RGS7: variants seen among roughly 807,000 people sequenced by gnomAD.
The protein encoded by RGS7 is regulator of G-protein signaling 7.
Under a neutral mutation model 81.1 loss-of-function variants are expected in RGS7, and 27 were observed. The observed-to-expected ratio is 0.33, with a 90% CI of 0.25 to 0.46. The LOEUF (loss-of-function observed/expected upper bound fraction) is 0.46, where lower values mean the gene tolerates loss of function less well. Among genes scored for constraint, RGS7 ranks in the 20% least tolerant of loss-of-function variants. The pLI, the probability that RGS7 is intolerant of heterozygous loss-of-function variation, is 1.00. For synonymous variants in RGS7, 208 were observed against 207.7 expected, an observed-to-expected ratio of 1.00 and a Z score of -0.01; for missense variants, 396 against 607.4, an observed-to-expected ratio of 0.65 and a Z score of 3.66.
At chr1:240,855,323 A>G (rs1198700158) in intron 9 of RGS7, among the ~76,000 whole-genome samples, 1 of 18,148 alleles carries the variant, frequency 5.5e-5, no homozygotes, top group Non-Finnish European at 1.5e-3. Flanking sequence ...AAAAAAAAAA[A>G]AAAAGGAGAA....
At chr1:241,047,691 T>C (rs891481552) in intron 3 of RGS7, among the ~76,000 whole-genome samples, 5 of 151,092 alleles carry the variant, frequency 3.3e-5, no homozygotes, top group African/African-American at 1.2e-4. Flanking sequence ...ATTGCAACCA[T>C]GCACTATTCA....
intron 2 of RGS7, among the ~76,000 whole-genome samples, chr1:241,143,417 C>T (rs2068071017): frequency 1.3e-5 from 2 of 152,154 alleles, no homozygotes; most frequent in African/African-American, 2.4e-5. Context: ...AGGGAAGCCT[C>T]ACAATCATGG....
At chr1:240,990,090 G>A (rs1011941753) in intron 3 of RGS7, among the ~76,000 whole-genome samples, 2 of 152,144 alleles carry the variant, frequency 1.3e-5, no homozygotes, top group East Asian at 3.9e-4. Flanking sequence ...CCTGATGAAG[G>A]GTCTCAGCTG....
At chr1:241,048,985 C>T (rs998114273) in intron 3 of RGS7, among the ~76,000 whole-genome samples, 2 of 152,196 alleles carry the variant, frequency 1.3e-5, no homozygotes, top group African/African-American at 2.4e-5. Flanking sequence ...CAGTGTCTCC[C>T]TTCATTGTCA....
intron 3 of RGS7, among the ~76,000 whole-genome samples, chr1:241,001,941 G>A (rs1446153329): frequency 6.6e-6 from 1 of 152,126 alleles, no homozygotes; most frequent in Non-Finnish European, 1.5e-5. Flanking sequence ...TGAACCCTGT[G>A]TGATAATGAC....
chr1:241,262,164 TCA>T (rs1214408878), intron 2 of RGS7, among the ~76,000 whole-genome samples: 1 of 152,136 alleles, frequency 6.6e-6, no homozygotes, highest in African/African-American at 2.4e-5. Context: ...TCTTGGCGAT[TCA>T]CAGTGTGCCA....
chr1:241,222,249 C>A (rs932015705), intron 2 of RGS7, among the ~76,000 whole-genome samples: 1 of 152,088 alleles, frequency 6.6e-6, no homozygotes, highest in South Asian at 2.1e-4. Flanking sequence ...CCCTTTATCG[C>A]TGACATTCTA....
chr1:240,928,000 G>C (rs1674750389), intron 6 of RGS7, among the ~76,000 whole-genome samples: 1 of 152,120 alleles, frequency 6.6e-6, no homozygotes, highest in Non-Finnish European at 1.5e-5. Context: ...TGCCTCCAAG[G>C]TGTCTAGTTG....
chr1:241,001,509 T>C (rs971878672), intron 3 of RGS7, among the ~76,000 whole-genome samples: 5 of 152,110 alleles, frequency 3.3e-5, no homozygotes, highest in Admixed American at 2.6e-4. Context: ...AATTTAAAAA[T>C]TTCTATACAG....
intron 2 of RGS7, among the ~76,000 whole-genome samples, chr1:241,259,667 A>AAAAAAAAAAAAAAATATATATATATATAT: frequency 4.1e-5 from 2 of 49,144 alleles, no homozygotes; most frequent in Non-Finnish European, 7.3e-5. Flanking sequence ...AAAAAAAAAA[A>AAAAAAAAAAAAAAATATATATATATATAT]ATATATATAT....
chr1:241,060,080 C>T (rs949090772), intron 3 of RGS7, among the ~76,000 whole-genome samples: 1 of 152,138 alleles, frequency 6.6e-6, no homozygotes, highest in African/African-American at 2.4e-5. Context: ...CTCTCCTGTC[C>T]CCAGCTGGAC....
At chr1:241,187,336 G>C (rs1298265819) in intron 2 of RGS7, among the ~76,000 whole-genome samples, 1 of 152,046 alleles carries the variant, frequency 6.6e-6, no homozygotes, top group Non-Finnish European at 1.5e-5. Flanking sequence ...TTATAGATGA[G>C]GAAAATTCAG....
intron 3 of RGS7, among the ~76,000 whole-genome samples, chr1:241,036,702 C>G (rs1041066989): frequency 6.6e-6 from 1 of 152,156 alleles, no homozygotes; most frequent in South Asian, 2.1e-4. Context: ...AGATGGTTTG[C>G]CTAAGTATGT....
intron 10 of RGS7, among the ~76,000 whole-genome samples, chr1:240,819,439 T>G (rs566397219): frequency 1.3e-5 from 2 of 152,288 alleles, no homozygotes; most frequent in East Asian, 3.9e-4. Flanking sequence ...TCCTGTAAAC[T>G]TCATAGAGGT....
intron 2 of RGS7, among the ~76,000 whole-genome samples, chr1:241,139,775 T>C (rs2067795702): frequency 6.6e-6 from 1 of 152,262 alleles, no homozygotes; most frequent in East Asian, 1.9e-4. Context: ...TTCATGCATT[T>C]ATGCCATGCT....
At chr1:241,235,596 CCTTT>C (rs1336491293) in intron 2 of RGS7, among the ~76,000 whole-genome samples, 2 of 105,716 alleles carry the variant, frequency 1.9e-5, no homozygotes, top group Non-Finnish European at 4.1e-5. Flanking sequence ...TTTCTTTCTT[CCTTT>C]ATTTTTCTTT....
chr1:241,208,253 A>G (rs143495084), intron 2 of RGS7, among the ~76,000 whole-genome samples: 2 of 152,244 alleles, frequency 1.3e-5, no homozygotes, highest in East Asian at 3.9e-4. Context: ...TTGCATTGAG[A>G]ATATGACATA....
intron 2 of RGS7, among the ~76,000 whole-genome samples, chr1:241,229,932 G>A (rs1157197366): frequency 1.3e-5 from 2 of 152,198 alleles, no homozygotes; most frequent in African/African-American, 2.4e-5. Context: ...ATATATTGTT[G>A]AGGATCTGTA....
At chr1:240,905,895 A>T (rs747843806) in intron 6 of RGS7, among the ~76,000 whole-genome samples, 10 of 152,178 alleles carry the variant, frequency 6.6e-5, no homozygotes, top group Non-Finnish European at 1.2e-4. Flanking sequence ...ATGCTCAACA[A>T]GTATTTGTAA....
Sources: gnomAD v4.1 joint callset for allele counts (sites outside exome capture counted in the v4.1 genomes callset) on GRCh38, gnomAD v4.1.1 for gene constraint, MANE v1.5 for transcripts, NCBI Gene and HGNC (gene_info 2026-07-23, HGNC 2026-07-21) for gene names.